The following NTM variants were observed in gnomAD, a reference collection of about 807,000 sequenced individuals.
NTM encodes the protein neurotrimin, also known as IgLON family member 2.
A neutral mutation model predicts 42.1 loss-of-function variants in NTM; 13 were observed. The ratio of observed to expected loss-of-function variants is 0.31; its 90% CI spans 0.20 to 0.49. The LOEUF is 0.49. Ranked by LOEUF, NTM falls within the 20% of genes least tolerant of loss-of-function variation. The probability of loss-of-function intolerance (pLI) is 0.99; values close to 1 mark genes in which losing one functional copy is unlikely to be tolerated. For missense variants in NTM, 373 were observed against 452.8 expected (o/e 0.82, Z 1.60); for synonymous variants, 187 against 179.2 (o/e 1.04, Z -0.35).
chr11:131,890,939 C>G (rs1366565646), intron 1 of NTM, among the ~76,000 whole-genome samples: 1 of 152,158 alleles, frequency 6.6e-6, no homozygotes, highest in Non-Finnish European at 1.5e-5. Flanking sequence ...TGGGCAAGCA[C>G]GTCCCTGATT....
chr11:131,777,145 A>G (rs2087148939), intron 1 of NTM: 1 of 767,068 alleles, frequency 1.3e-6, no homozygotes. Flanking sequence ...TATTGCATAT[A>G]ACATCTCCAC....
chr11:131,727,976 C>T (rs538352847), intron 1 of NTM, among the ~76,000 whole-genome samples: 1 of 152,224 alleles, frequency 6.6e-6, no homozygotes, highest in East Asian at 1.9e-4. Flanking sequence ...TACCATGTTG[C>T]CTAATGTAGA....
At chr11:132,125,285 T>TTG (rs57511761) in intron 2 of NTM, among the ~76,000 whole-genome samples, 70 of 149,556 alleles carry the variant, frequency 4.7e-4, no homozygotes, top group East Asian at 3.2e-3. Context: ...TGGTGTGTGT[T>TTG]TGTGTGTGTG....
At chr11:131,460,808 C>A (rs1025539124) in intron 1 of NTM, among the ~76,000 whole-genome samples, 28 of 152,206 alleles carry the variant, frequency 1.8e-4, no homozygotes, top group African/African-American at 6.5e-4. Flanking sequence ...CCCGCTTGGG[C>A]CTCCCAAAGT....
intron 1 of NTM, among the ~76,000 whole-genome samples, chr11:131,814,722 G>T (rs960395788): frequency 6.6e-6 from 1 of 152,204 alleles, no homozygotes; most frequent in Middle Eastern, 3.4e-3. Flanking sequence ...CTTGCGTTTT[G>T]CCTCCACTGT....
chr11:131,464,457 G>A (rs1951706574), intron 1 of NTM, among the ~76,000 whole-genome samples: 1 of 152,074 alleles, frequency 6.6e-6, no homozygotes, highest in African/African-American at 2.4e-5. Context: ...TACATTCACA[G>A]GTTATAAATT....
intron 1 of NTM, among the ~76,000 whole-genome samples, chr11:131,445,007 C>T (rs1014005247): frequency 2.6e-5 from 4 of 152,120 alleles, no homozygotes; most frequent in African/African-American, 9.7e-5. Context: ...AAGTGCATAT[C>T]CATAGCAACC....
At chr11:131,996,457 C>G (rs1291464505) in intron 2 of NTM, among the ~76,000 whole-genome samples, 1 of 152,204 alleles carries the variant, frequency 6.6e-6, no homozygotes, top group African/African-American at 2.4e-5. Flanking sequence ...GCAGTTCCCT[C>G]TACCTGAAAT....
At chr11:131,720,810 G>A (rs1329639987) in intron 1 of NTM, among the ~76,000 whole-genome samples, 1 of 152,014 alleles carries the variant, frequency 6.6e-6, no homozygotes, top group African/African-American at 2.4e-5. Context: ...TAAGATCTTG[G>A]GTAAATTACC....
At chr11:131,768,020 CT>C (rs1031366105) in intron 1 of NTM, among the ~76,000 whole-genome samples, 13 of 147,802 alleles carry the variant, frequency 8.8e-5, no homozygotes, top group South Asian at 4.3e-4. Flanking sequence ...TGAGGAATTC[CT>C]TTTTTTTTTA....
chr11:132,010,536 C>G lies in NTM; in HGVS notation c.167+98888C>G, dbSNP rs146521829. Among the ~76,000 whole-genome samples the G allele has an allele frequency of 7.0e-3, 1,063 of 151,960 alleles. 42 individuals are homozygous for G. Among genetic ancestry groups the G allele is most frequent in the Admixed American group, 0.063 (965 of 15,276 alleles). On this transcript the variant is annotated intron_variant, in intron 2 of 8. Coordinates refer to ENST00000683400, the MANE Select transcript of NTM (RefSeq NM_001352005.2). ...ATGTCTCTCCTCTCCTTGAGCAAAC[C>G]TTAATGAATTTTCCCTCCAATGGCC...
intron 1 of NTM, among the ~76,000 whole-genome samples, chr11:131,424,600 CTTTTTT>C (rs769740331): frequency 1.8e-5 from 1 of 56,052 alleles, no homozygotes; most frequent in South Asian, 7.3e-4. Context: ...CTTTTCTTTT[CTTTTTT>C]TTTTTTTTTT....
rs1230166268 is a variant in NTM at position 131,598,799 on chromosome 11, TTTTC to T, written c.82+227922_82+227925del. Among the ~76,000 whole-genome samples, 3 of 77,488 alleles carry T rather than the reference TTTTC, an allele frequency of 3.9e-5. 1 individual carries two copies. The highest frequency in any genetic ancestry group is 5.8e-5 in the Non-Finnish European group (2 of 34,626). 50.8% of individuals were successfully genotyped at this position (77,488 alleles called of 152,430 possible). A position where few individuals can be genotyped will look rare whatever the true frequency, so the allele number is the denominator to read the frequency against. ...CTTTCTTTCTTCTTTCTTTCTTTCT[TTTTC>T]TTTCTTTCTTCTTTCTTTCTTTCTT... On this transcript the variant is annotated intron_variant, in intron 1 of 8. Coordinates refer to ENST00000683400, the MANE Select transcript of NTM (RefSeq NM_001352005.2).
chr11:131,573,177 G>A lies in NTM; in HGVS notation c.82+202289G>A, dbSNP rs35177615. Reference sequence around the variant, plus strand: ...ACTGGTAAAGTCTGACCTGCTGCCCGGAGCCCATGTCATCTTCTATCATTC... The same window carrying A: ...ACTGGTAAAGTCTGACCTGCTGCCCAGAGCCCATGTCATCTTCTATCATTC... On this transcript the variant is annotated intron_variant, in intron 1 of 8. Coordinates refer to ENST00000683400, the MANE Select transcript of NTM (RefSeq NM_001352005.2). Among the ~76,000 whole-genome samples, 1,385 of 152,262 alleles carry A rather than the reference G, an allele frequency of 9.1e-3. 20 individuals carry two copies. Among genetic ancestry groups the A allele is most frequent in the African/African-American group, 0.032 (1,323 of 41,534 alleles).
intron 4 of NTM, among the ~76,000 whole-genome samples, chr11:132,286,355 G>C (rs2139926093): frequency 6.6e-6 from 1 of 152,288 alleles, no homozygotes; most frequent in African/African-American, 2.4e-5. Flanking sequence ...TTTAAAAATA[G>C]TAGTTCTTTT....
intron 4 of NTM, among the ~76,000 whole-genome samples, chr11:132,301,616 A>C (rs1012049809): frequency 6.6e-6 from 1 of 152,186 alleles, no homozygotes; most frequent in Non-Finnish European, 1.5e-5. Flanking sequence ...TCATAATGGC[A>C]CTGGGGGAAT....
intron 1 of NTM, among the ~76,000 whole-genome samples, chr11:131,783,366 T>C (rs1340190315): frequency 6.6e-6 from 1 of 152,152 alleles, no homozygotes; most frequent in Non-Finnish European, 1.5e-5. Flanking sequence ...ATCCATGGGT[T>C]GGAAGATGAT....
At chr11:131,518,126 T>C (rs2136528061) in intron 1 of NTM, among the ~76,000 whole-genome samples, 1 of 152,294 alleles carries the variant, frequency 6.6e-6, no homozygotes, top group South Asian at 2.1e-4. Flanking sequence ...CAAATATTGA[T>C]TGAGGGGCTG....
Position 132,125,227 on chromosome 11 carries a change from T to A in NTM, c.168-21055T>A, listed in dbSNP as rs1485416320. Among the ~76,000 whole-genome samples, 4 of 152,076 alleles carry A rather than the reference T, an allele frequency of 2.6e-5. No individual in the cohort carries two copies. The East Asian group carries it at 7.7e-4, about 29-fold the overall frequency. Reference sequence around the variant, plus strand: ...TTTCATTTTATTGAGTGAATTAGACTAAGTCAAACCCTCCCTTAGAGTGTA... The same window carrying A: ...TTTCATTTTATTGAGTGAATTAGACAAAGTCAAACCCTCCCTTAGAGTGTA... On this transcript the variant is annotated intron_variant, in intron 2 of 8. Coordinates refer to ENST00000683400, the MANE Select transcript of NTM (RefSeq NM_001352005.2).
Sources: allele counts gnomAD v4.1 joint callset (sites outside exome capture counted in the v4.1 genomes callset), GRCh38; gene constraint gnomAD v4.1.1; transcripts MANE v1.5; gene names NCBI Gene and HGNC (gene_info 2026-07-23, HGNC 2026-07-21).